CDH13: variants seen among roughly 807,000 people sequenced by gnomAD.
CDH13 encodes the protein cadherin-13.
A neutral mutation model predicts 63.8 loss-of-function variants in CDH13; 24 were observed. The ratio of observed to expected loss-of-function variants is 0.38; its 90% CI spans 0.27 to 0.53. CDH13 has a LOEUF of 0.53. Ranked by LOEUF, CDH13 falls within the 20% of genes least tolerant of loss-of-function variation. CDH13 has a pLI of 0.85. For synonymous variants in CDH13, 503 were observed against 355.3 expected (o/e 1.42, Z -4.67); for missense variants, 1,049 against 903.1 (o/e 1.16, Z -2.07).
At chr16:83,784,502 C>T (rs1295358954) in intron 13 of CDH13, among the ~76,000 whole-genome samples, 1 of 151,926 alleles carries the variant, frequency 6.6e-6, no homozygotes, top group Non-Finnish European at 1.5e-5. Flanking sequence ...CATGGTGGCA[C>T]ATGCCTGTAG....
chr16:83,224,382 C>A (rs145367420), intron 5 of CDH13, among the ~76,000 whole-genome samples: 1 of 152,148 alleles, frequency 6.6e-6, no homozygotes, highest in Non-Finnish European at 1.5e-5. Flanking sequence ...AGTGGGACTG[C>A]TGGAGTGCAG....
At chr16:83,217,834 A>G (rs1477064964) in intron 5 of CDH13, among the ~76,000 whole-genome samples, 1 of 152,220 alleles carries the variant, frequency 6.6e-6, no homozygotes, top group Non-Finnish European at 1.5e-5. Context: ...TGGAAGAGGT[A>G]TAAACCCCAA....
chr16:83,155,666 C>T (rs1221843317), intron 4 of CDH13, among the ~76,000 whole-genome samples: 2 of 152,116 alleles, frequency 1.3e-5, no homozygotes, highest in South Asian at 2.1e-4. Context: ...ATTGTGTACC[C>T]TGTCCTAGGC....
intron 4 of CDH13, among the ~76,000 whole-genome samples, chr16:83,210,449 G>A (rs755797638): frequency 2.0e-5 from 3 of 152,118 alleles, no homozygotes; most frequent in Non-Finnish European, 4.4e-5. Flanking sequence ...ATTAGGACAG[G>A]AGATGGGATA....
rs182726750 is a variant in CDH13, at chr16:82,643,952, G to A, written c.45+16815G>A. Among the ~76,000 whole-genome samples the A allele has an allele frequency of 2.3e-3, 355 of 151,950 alleles. 1 individual carries two copies. The highest frequency in any genetic ancestry group is 8.0e-3 in the African/African-American group (333 of 41,460). On this transcript the variant is annotated intron_variant, in intron 1 of 13. Transcript: ENST00000567109. ...AAACTTTAAGACAAGGTCTTGTTATGTTGCCCATGCTGGTCTCGAACTCCT... is the reference window on the plus strand; with the variant it reads ...AAACTTTAAGACAAGGTCTTGTTATATTGCCCATGCTGGTCTCGAACTCCT...
intron 6 of CDH13, among the ~76,000 whole-genome samples, chr16:83,468,495 C>G (rs116664651): frequency 6.6e-6 from 1 of 152,158 alleles, no homozygotes; most frequent in Non-Finnish European, 1.5e-5. Flanking sequence ...CCACCCAGTT[C>G]GTGGTATTTG....
At chr16:82,850,053 C>T (rs779233172) in intron 1 of CDH13, among the ~76,000 whole-genome samples, 7 of 152,082 alleles carry the variant, frequency 4.6e-5, no homozygotes, top group African/African-American at 9.7e-5. Flanking sequence ...TTTTTCAGCC[C>T]GTGAATCCAG....
chr16:83,179,457 A>C (rs1413937213), intron 4 of CDH13, among the ~76,000 whole-genome samples: 1 of 140,590 alleles, frequency 7.1e-6, no homozygotes, highest in East Asian at 2.0e-4. Flanking sequence ...CATCCTGGCT[A>C]ACACAGTGAA....
rs1319577778 is a variant in CDH13 at position 83,797,175 on chromosome 16, C to A, written c.*2145C>A. ...TGAACAAACAAAGAGCATCCTCAGCCAGTCAGGCGGCTGGTAGCCGGACAC... is the reference window on the plus strand; with the variant it reads ...TGAACAAACAAAGAGCATCCTCAGCAAGTCAGGCGGCTGGTAGCCGGACAC... On this transcript the variant is annotated 3_prime_UTR_variant, in exon 14 of 14. Transcript: ENST00000567109. The A allele has an allele frequency of 6.6e-6, 1 of 152,254 alleles. No individual in the cohort carries two copies. Among genetic ancestry groups the A allele is most frequent in the East Asian group, 1.9e-4 (1 of 5,196 alleles). 9.4% of individuals were successfully genotyped at this position (152,254 alleles called of 1,614,324 possible). A position where few individuals can be genotyped will look rare whatever the true frequency, so the allele number is the denominator to read the frequency against.
At chr16:82,771,271 A>G (rs1017142501) in intron 1 of CDH13, among the ~76,000 whole-genome samples, 3 of 152,206 alleles carry the variant, frequency 2.0e-5, no homozygotes, top group African/African-American at 4.8e-5. Flanking sequence ...TGACTTATCA[A>G]TTAATTAAAA....
chr16:83,371,946 G>A (rs12444034), intron 6 of CDH13, among the ~76,000 whole-genome samples: 62,708 of 152,054 alleles, frequency 0.41, 15,228 homozygotes, highest in East Asian at 0.86. Flanking sequence ...ATCATCCCCC[G>A]GACCGTATAT....
chr16:82,960,844 TAAGTC>T (rs1177254977), intron 2 of CDH13, among the ~76,000 whole-genome samples: 3 of 152,314 alleles, frequency 2.0e-5, no homozygotes, highest in Admixed American at 2.0e-4. Flanking sequence ...TTAATACAAA[TAAGTC>T]TATTGTGATT....
chr16:83,272,932 C>A (rs755720845), intron 5 of CDH13, among the ~76,000 whole-genome samples: 56 of 152,114 alleles, frequency 3.7e-4, no homozygotes, highest in Non-Finnish European at 6.9e-4. Flanking sequence ...TTTTCCATTT[C>A]CATTTCTAAT....
chr16:83,143,584 C>T (rs1263872060), intron 4 of CDH13, among the ~76,000 whole-genome samples: 2 of 152,160 alleles, frequency 1.3e-5, no homozygotes, highest in Non-Finnish European at 2.9e-5. Context: ...TTATCTTAAA[C>T]AGAAGTTAAC....
chr16:83,339,022 G>A (rs1014877281), intron 5 of CDH13, among the ~76,000 whole-genome samples: 1 of 152,150 alleles, frequency 6.6e-6, no homozygotes, highest in Non-Finnish European at 1.5e-5. Context: ...ATGGTGGCAG[G>A]CAGTCATGGC....
At chr16:83,061,172 G>A (rs1405276194) in intron 3 of CDH13, among the ~76,000 whole-genome samples, 5 of 152,142 alleles carry the variant, frequency 3.3e-5, no homozygotes, top group Non-Finnish European at 7.4e-5. Flanking sequence ...GTTGGACCTA[G>A]GGCCCAGGTT....
chr16:82,915,902 C>A (rs1032288661), intron 2 of CDH13, among the ~76,000 whole-genome samples: 1 of 150,466 alleles, frequency 6.6e-6, no homozygotes. Context: ...TCCTGGCTAA[C>A]TACAGGGAAG....
chr16:83,059,565 C>T (rs2031305567), intron 3 of CDH13, among the ~76,000 whole-genome samples: 1 of 152,028 alleles, frequency 6.6e-6, no homozygotes, highest in African/African-American at 2.4e-5. Context: ...TCGGAGATTC[C>T]ATCATTCAGA....
At chr16:83,325,619 G>A (rs780890216) in intron 5 of CDH13, among the ~76,000 whole-genome samples, 11 of 152,122 alleles carry the variant, frequency 7.2e-5, no homozygotes, top group African/African-American at 1.2e-4. Flanking sequence ...CAGCAGCCTC[G>A]ATGTGGCCTG....
Sources: allele counts gnomAD v4.1 joint callset (sites outside exome capture counted in the v4.1 genomes callset), GRCh38; gene constraint gnomAD v4.1.1; transcripts MANE v1.5; gene names NCBI Gene and HGNC (gene_info 2026-07-23, HGNC 2026-07-21).